Variants in DNAAF9 observed in about 807,000 individuals in gnomAD.
DNAAF9 encodes the protein dynein axonemal assembly factor 9.
DNAAF9 carries 90 observed loss-of-function variants against 167.0 expected under a neutral mutation model. The ratio of observed to expected loss-of-function variants is 0.54; its 90% CI spans 0.45 to 0.64. DNAAF9 has a LOEUF of 0.64. Among genes scored for constraint, DNAAF9 ranks in the 30% least tolerant of loss-of-function variants. The probability of loss-of-function intolerance (pLI) is 0.00; values close to 1 mark genes in which losing one functional copy is unlikely to be tolerated. For missense variants in DNAAF9, 1,315 were observed against 1,442.2 expected, an observed-to-expected ratio of 0.91 and a Z score of 1.43; for synonymous variants, 491 against 508.8, an observed-to-expected ratio of 0.96 and a Z score of 0.47.
In DNAAF9 at chr20:3,270,372, C is replaced by G. The variant is rs142297208; in HGVS notation, c.2786+55G>C. The stretch of plus-strand genomic sequence containing the variant: ...GTAGAAAGACTCTGTGGGCCACAGA[C>G]AGAGTGCTGTATCTGAGAAAGCAAC... On this transcript the variant is annotated intron_variant, in intron 30 of 36. Coordinates refer to ENST00000252032, the MANE Select transcript of DNAAF9 (RefSeq NM_001009984.3). 5,077 of 1,522,706 alleles carry G rather than the reference C, an allele frequency of 3.3e-3. 16 individuals are homozygous for G. The highest frequency in any genetic ancestry group is 4.1e-3 in the Non-Finnish European group (4,521 of 1,098,242). 94.3% of individuals were successfully genotyped at this position (1,522,706 alleles called of 1,614,324 possible).
At chr20:3,393,322 G>A (rs2083852667) in intron 1 of DNAAF9, among the ~76,000 whole-genome samples, 1 of 151,984 alleles carries the variant, frequency 6.6e-6, no homozygotes, top group South Asian at 2.1e-4. Context: ...AGACCAGCCT[G>A]GGCAACATGG....
chr20:3,345,971 C>T (rs2123128467), intron 8 of DNAAF9, among the ~76,000 whole-genome samples: 1 of 152,052 alleles, frequency 6.6e-6, no homozygotes, highest in South Asian at 2.1e-4. Context: ...CTCCTAAAAC[C>T]TATGCTCTAT....
chr20:3,383,576 C>T (rs1046846100), intron 1 of DNAAF9, among the ~76,000 whole-genome samples: 2 of 151,984 alleles, frequency 1.3e-5, no homozygotes, highest in African/African-American at 4.8e-5. Context: ...ATATTTAATA[C>T]TTTCTCTACA....
At chr20:3,346,564 C>T (rs2070197854) in intron 8 of DNAAF9, among the ~76,000 whole-genome samples, 1 of 151,784 alleles carries the variant, frequency 6.6e-6, no homozygotes, top group Non-Finnish European at 1.5e-5. Context: ...CCAGGATATA[C>T]TGTTAAGTGG....
At position 3,276,665 on chromosome 20, in the gene DNAAF9, TC is replaced by T. The variant is rs796828158; in HGVS notation, c.2650+2246del. On this transcript the variant is annotated intron_variant, in intron 29 of 36. Coordinates refer to ENST00000252032, the MANE Select transcript of DNAAF9 (RefSeq NM_001009984.3). ...AAGCCCCACCATCTGTGCTTGTTCCTCATGCAAAAAAGAAGAGGGACACTGA... is the reference window on the plus strand; with the variant it reads ...AAGCCCCACCATCTGTGCTTGTTCCTATGCAAAAAAGAAGAGGGACACTGA... Among the ~76,000 whole-genome samples, 4 of 152,228 alleles carry T rather than the reference TC, an allele frequency of 2.6e-5. No individual in the cohort carries two copies. The East Asian group carries it at 7.7e-4, about 29-fold the overall frequency.
At chr20:3,286,993 A>T (rs192179787) in intron 27 of DNAAF9, among the ~76,000 whole-genome samples, 9 of 152,304 alleles carry the variant, frequency 5.9e-5, no homozygotes, top group Non-Finnish European at 1.0e-4. Context: ...GCCTTAGAAC[A>T]GGTCAAAAGA....
In DNAAF9 at chr20:3,304,558, G is replaced by C; in HGVS notation, c.1679-15C>G. 1 of 1,199,668 alleles carries C rather than the reference G, an allele frequency of 8.3e-7. No homozygotes were observed. The highest frequency in any genetic ancestry group is 1.2e-6 in the Non-Finnish European group (1 of 802,798). The allele number at this position is 1,199,668 out of a possible 1,614,324, so 74.3% of individuals were successfully genotyped here. Reference sequence around the variant, plus strand: ...ATGAACATTCCCTGGAAGGAAAAGAGAGTTGGTCAGAGCTGGAGGGCTGGG... The same window carrying C: ...ATGAACATTCCCTGGAAGGAAAAGACAGTTGGTCAGAGCTGGAGGGCTGGG... On this transcript the variant is annotated splice_polypyrimidine_tract_variant and intron_variant, in intron 20 of 36. Transcript: ENST00000252032.
intron 1 of DNAAF9, among the ~76,000 whole-genome samples, chr20:3,401,412 C>G (rs1180356032): frequency 6.6e-6 from 1 of 152,068 alleles, no homozygotes; most frequent in Non-Finnish European, 1.5e-5. Context: ...CAAGGCCAGG[C>G]TGGTCTTGAA....
intron 6 of DNAAF9, among the ~76,000 whole-genome samples, chr20:3,363,497 A>G (rs1001597464): frequency 2.0e-5 from 3 of 151,850 alleles, no homozygotes; most frequent in Admixed American, 2.0e-4. Context: ...AAAAACGAAA[A>G]AAAAGAAAAA....
At chr20:3,339,260 C>G (rs1181343795) in intron 10 of DNAAF9, among the ~76,000 whole-genome samples, 4 of 152,166 alleles carry the variant, frequency 2.6e-5, no homozygotes, top group Non-Finnish European at 5.9e-5. Flanking sequence ...CTGTATATTA[C>G]AAAATATGAG....
intron 7 of DNAAF9, among the ~76,000 whole-genome samples, chr20:3,350,352 T>G (rs1019726342): frequency 1.3e-5 from 2 of 152,048 alleles, no homozygotes; most frequent in Non-Finnish European, 2.9e-5. Flanking sequence ...TAGGTGACAG[T>G]GCTGATAGTG....
intron 7 of DNAAF9, among the ~76,000 whole-genome samples, chr20:3,352,714 T>A (rs933960007): frequency 5.3e-5 from 8 of 152,216 alleles, no homozygotes; most frequent in Middle Eastern, 3.4e-3. Flanking sequence ...GTGCTTATTA[T>A]CAGACCTTGC....
chr20:3,352,881 CAT>C (rs2070352523), intron 7 of DNAAF9, among the ~76,000 whole-genome samples: 2 of 147,138 alleles, frequency 1.4e-5, no homozygotes, highest in Admixed American at 1.4e-4. Flanking sequence ...TATATATTTA[CAT>C]GTTATATATA....
At chr20:3,291,290 C>T (rs909422844) in intron 25 of DNAAF9, among the ~76,000 whole-genome samples, 14 of 151,440 alleles carry the variant, frequency 9.2e-5, no homozygotes, top group Non-Finnish European at 2.1e-4. Flanking sequence ...CTGCAATCAC[C>T]GAGGGAGGTC....
chr20:3,318,426 A>T, intron 16 of DNAAF9, 26 bp from the exon 17 acceptor site: 1 of 1,168,570 alleles, frequency 8.6e-7, no homozygotes, highest in Non-Finnish European at 1.3e-6. Flanking sequence ...AACCAGTTAG[A>T]TCAGTTACCA....
intron 16 of DNAAF9, among the ~76,000 whole-genome samples, chr20:3,319,099 A>AAG (rs2069563648): frequency 5.0e-5 from 7 of 140,602 alleles, no homozygotes; most frequent in African/African-American, 1.9e-4. Flanking sequence ...AAAAAAAAAA[A>AAG]AAAAAGAAAA....
chr20:3,289,903 A>G (rs377463187), intron 26 of DNAAF9, among the ~76,000 whole-genome samples: 5 of 152,178 alleles, frequency 3.3e-5, no homozygotes, highest in African/African-American at 1.2e-4. Flanking sequence ...TGTAAGCTCC[A>G]TAAGTGCAGA....
chr20:3,266,054 T>C (rs927696501), intron 30 of DNAAF9, among the ~76,000 whole-genome samples: 16 of 152,194 alleles, frequency 1.1e-4, no homozygotes, highest in African/African-American at 3.9e-4. Flanking sequence ...TCTCATGGTG[T>C]TGATATTTGA....
chr20:3,388,150 C>T (rs2083777735), intron 1 of DNAAF9, among the ~76,000 whole-genome samples: 1 of 151,270 alleles, frequency 6.6e-6, no homozygotes. Flanking sequence ...TGAAAAGAAA[C>T]TCAACACCTC....
Sources: allele counts gnomAD v4.1 joint callset (sites outside exome capture counted in the v4.1 genomes callset), GRCh38; gene constraint gnomAD v4.1.1; transcripts MANE v1.5; gene names NCBI Gene and HGNC (gene_info 2026-07-23, HGNC 2026-07-21).